NCKAP5: variants seen among roughly 807,000 people sequenced by gnomAD.
NCKAP5 encodes nck-associated protein 5.
A neutral mutation model predicts 167.0 loss-of-function variants in NCKAP5; 92 were observed. The observed-to-expected ratio is 0.55, with a 90% CI of 0.47 to 0.66. NCKAP5 has a LOEUF of 0.66. NCKAP5 is among the 30% of genes least tolerant of loss of function. The pLI is 0.00. For missense variants in NCKAP5, 2,378 were observed against 2,315.0 expected (o/e 1.03, Z -0.56); for synonymous variants, 891 against 877.4 (o/e 1.02, Z -0.27).
the NCKAP5 span, among the ~76,000 whole-genome samples, chr2:133,603,269 C>A: frequency 6.7e-6 from 1 of 148,528 alleles, no homozygotes; most frequent in East Asian, 2.0e-4. Flanking sequence ...TCTTGTTGCC[C>A]AGGCTGAAGT....
chr2:133,150,753 A>G (rs547978182), intron 5 of NCKAP5, among the ~76,000 whole-genome samples: 16 of 152,250 alleles, frequency 1.1e-4, no homozygotes, highest in Middle Eastern at 3.7e-3. Flanking sequence ...TTAGGTGCAT[A>G]TGTTTACCAT....
At chr2:133,505,673 G>T (rs1477693608) in intron 3 of NCKAP5, among the ~76,000 whole-genome samples, 1 of 152,182 alleles carries the variant, frequency 6.6e-6, no homozygotes, top group Non-Finnish European at 1.5e-5. Context: ...GTAGGAGGCA[G>T]GTTGGGATTC....
At chr2:133,399,797 G>C (rs572993211) in intron 3 of NCKAP5, among the ~76,000 whole-genome samples, 3 of 151,940 alleles carry the variant, frequency 2.0e-5, no homozygotes, top group Non-Finnish European at 4.4e-5. Flanking sequence ...AAAAAGTAGG[G>C]GGTACTTATG....
chr2:133,585,813 C>T, the NCKAP5 span, among the ~76,000 whole-genome samples: 1 of 152,156 alleles, frequency 6.6e-6, no homozygotes, highest in Admixed American at 6.5e-5. Flanking sequence ...GCACCAAAGG[C>T]AGAATTCAAA....
chr2:132,934,640 GA>G (rs369019629), intron 8 of NCKAP5, among the ~76,000 whole-genome samples: 2,763 of 151,552 alleles, frequency 0.018, 88 homozygotes, highest in African/African-American at 0.062. Flanking sequence ...CAAAGTTAAA[GA>G]AAAAAAACCT....
intron 3 of NCKAP5, among the ~76,000 whole-genome samples, chr2:133,424,507 G>A (rs1380810639): frequency 6.6e-6 from 1 of 152,138 alleles, no homozygotes; most frequent in Non-Finnish European, 1.5e-5. Context: ...TTTGTAGCCA[G>A]GCTTAATAGA....
intron 3 of NCKAP5, among the ~76,000 whole-genome samples, chr2:133,467,221 G>T (rs1250983328): frequency 6.7e-6 from 1 of 150,346 alleles, no homozygotes; most frequent in Non-Finnish European, 1.5e-5. Flanking sequence ...TAGCATGAAG[G>T]GTTGTTGAAT....
chr2:133,517,546 C>T lies in NCKAP5; in HGVS notation c.-20G>A. The T allele has an allele frequency of 2.0e-6, 3 of 1,480,346 alleles. No homozygotes were observed. In the South Asian group the frequency reaches 3.9e-5, roughly 19 times the overall value. 91.7% of individuals were successfully genotyped at this position (1,480,346 alleles called of 1,614,324 possible). A position where few individuals can be genotyped will look rare whatever the true frequency, so the allele number is the denominator to read the frequency against. ...CTCCATGGATGAAGTTATTTATTTT[C>T]TTTTGTGACTTATAAGAATCCCCCG... On this transcript the variant is annotated 5_prime_UTR_variant, in exon 3 of 20. Transcript: ENST00000409261.
intron 9 of NCKAP5, among the ~76,000 whole-genome samples, chr2:132,875,903 G>A (rs921982832): frequency 6.6e-6 from 1 of 152,134 alleles, no homozygotes; most frequent in Non-Finnish European, 1.5e-5. Context: ...GTGCACTTGT[G>A]GATGTGCATG....
intron 11 of NCKAP5, among the ~76,000 whole-genome samples, chr2:132,849,773 G>A (rs759986944): frequency 2.6e-5 from 4 of 152,196 alleles, no homozygotes; most frequent in African/African-American, 4.8e-5. Context: ...TGGTCCACCC[G>A]ACATGCCTCC....
chr2:133,277,020 T>G (rs1475560611), intron 4 of NCKAP5, among the ~76,000 whole-genome samples: 2 of 152,178 alleles, frequency 1.3e-5, no homozygotes, highest in African/African-American at 4.8e-5. Context: ...GGAATTGATG[T>G]ATATTTTCTT....
intron 6 of NCKAP5, among the ~76,000 whole-genome samples, chr2:133,065,752 T>C (rs914156776): frequency 2.0e-4 from 31 of 152,180 alleles, no homozygotes; most frequent in Admixed American, 2.0e-3. Flanking sequence ...GTGCACTATA[T>C]GGTCCCAATG....
At chr2:133,297,484 C>A (rs922487525) in intron 4 of NCKAP5, among the ~76,000 whole-genome samples, 2 of 152,020 alleles carry the variant, frequency 1.3e-5, no homozygotes, top group East Asian at 3.9e-4. Flanking sequence ...TAGACAGGAC[C>A]CCAAAATAAC....
chr2:132,769,556 A>C (rs971022722), intron 16 of NCKAP5, among the ~76,000 whole-genome samples: 1 of 152,216 alleles, frequency 6.6e-6, no homozygotes, highest in Non-Finnish European at 1.5e-5. Flanking sequence ...TGGAATTAAG[A>C]TAAACAACCA....
intron 6 of NCKAP5, among the ~76,000 whole-genome samples, chr2:133,105,404 T>A (rs1160103852): frequency 1.3e-5 from 2 of 152,246 alleles, no homozygotes; most frequent in African/African-American, 2.4e-5. Context: ...TTTGGGAAAT[T>A]CTAATTGTTC....
chr2:132,855,801 C>T (rs559659183), intron 11 of NCKAP5, among the ~76,000 whole-genome samples: 1 of 152,280 alleles, frequency 6.6e-6, no homozygotes, highest in South Asian at 2.1e-4. Flanking sequence ...CTTTTTGTCT[C>T]ACTTCAACTA....
intron 6 of NCKAP5, among the ~76,000 whole-genome samples, chr2:133,057,658 G>C (rs1396574177): frequency 6.6e-6 from 1 of 152,226 alleles, no homozygotes; most frequent in Non-Finnish European, 1.5e-5. Flanking sequence ...AGCTGGCATA[G>C]AGTAGTTCAT....
At chr2:132,828,123 C>G (rs1388665320) in intron 11 of NCKAP5, among the ~76,000 whole-genome samples, 1 of 152,134 alleles carries the variant, frequency 6.6e-6, no homozygotes, top group East Asian at 1.9e-4. Flanking sequence ...AAGAACAGTC[C>G]TCGCCAGACT....
chr2:133,053,242 T>C (rs2149490809), intron 6 of NCKAP5, among the ~76,000 whole-genome samples: 1 of 152,258 alleles, frequency 6.6e-6, no homozygotes, highest in African/African-American at 2.4e-5. Context: ...TCCAATAGCT[T>C]TAGTTTTCAT....
Sources: allele counts gnomAD v4.1 joint callset (sites outside exome capture counted in the v4.1 genomes callset), GRCh38; gene constraint gnomAD v4.1.1; transcripts MANE v1.5; gene names NCBI Gene and HGNC (gene_info 2026-07-23, HGNC 2026-07-21).